The following BMPR2 variants were observed in gnomAD, a reference collection of about 807,000 sequenced individuals.
BMPR2 encodes bone morphogenetic protein receptor type-2.
Under a neutral mutation model 100.8 loss-of-function variants are expected in BMPR2, and 29 were observed. The ratio of observed to expected loss-of-function variants is 0.29; its 90% CI spans 0.21 to 0.39. The LOEUF (loss-of-function observed/expected upper bound fraction) is 0.39. Ranked by LOEUF, BMPR2 falls within the 10% of genes least tolerant of loss-of-function variation. BMPR2 has a pLI of 1.00. For missense variants in BMPR2, 1,011 were observed against 1,274.5 expected (o/e 0.79, Z 3.15); for synonymous variants, 382 against 442.3 (o/e 0.86, Z 1.71).
intron 12 of BMPR2, among the ~76,000 whole-genome samples, chr2:202,558,629 T>TAA (rs1688624842): frequency 6.6e-6 from 1 of 151,720 alleles, no homozygotes; most frequent in African/African-American, 2.4e-5. Context: ...CATGGTGGCT[T>TAA]ACGCCTGTAA....
chr2:202,451,385 T>C (rs1691977347), intron 1 of BMPR2, among the ~76,000 whole-genome samples: 1 of 152,218 alleles, frequency 6.6e-6, no homozygotes, highest in Non-Finnish European at 1.5e-5. Context: ...CATTGAGGTA[T>C]AAACTGCATC....
At chr2:202,426,291 T>A (rs1432670095) in intron 1 of BMPR2, among the ~76,000 whole-genome samples, 1 of 152,112 alleles carries the variant, frequency 6.6e-6, no homozygotes, top group Non-Finnish European at 1.5e-5. Context: ...GCATATAATT[T>A]AGTTTATGGC....
intron 12 of BMPR2, 131 bp from the exon 13 acceptor site, chr2:202,559,565 A>G: frequency 9.9e-7 from 1 of 1,011,600 alleles, no homozygotes; most frequent in South Asian, 1.5e-5. Context: ...ATTGTCTGGC[A>G]TTATGAATTT....
intron 3 of BMPR2, among the ~76,000 whole-genome samples, chr2:202,486,498 G>C (rs1004595780): frequency 2.0e-5 from 3 of 151,984 alleles, no homozygotes; most frequent in African/African-American, 7.3e-5. Context: ...CCTGCCTGGT[G>C]GTGCACGCCT....
intron 3 of BMPR2, among the ~76,000 whole-genome samples, chr2:202,491,389 C>CT (rs935914980): frequency 1.4e-4 from 21 of 152,082 alleles, no homozygotes; most frequent in African/African-American, 4.6e-4. Context: ...GCTTTTCTGT[C>CT]TATTCTGTTC....
intron 5 of BMPR2, 87 bp from the exon 6 acceptor site, chr2:202,518,735 T>C (rs1687764194): frequency 2.9e-6 from 3 of 1,039,074 alleles, no homozygotes; most frequent in South Asian, 2.7e-5. Flanking sequence ...AGCTGTAGCA[T>C]TCTGTTTAAA....
intron 10 of BMPR2, among the ~76,000 whole-genome samples, chr2:202,542,856 G>T (rs773264814): frequency 1.3e-5 from 2 of 152,098 alleles, no homozygotes; most frequent in African/African-American, 2.4e-5. Flanking sequence ...AAACCAAGGC[G>T]CAGCCTATGA....
intron 3 of BMPR2, among the ~76,000 whole-genome samples, chr2:202,504,261 T>C (rs754491349): frequency 6.6e-6 from 1 of 152,026 alleles, no homozygotes; most frequent in Non-Finnish European, 1.5e-5. Flanking sequence ...CTCTTTGCAA[T>C]AAATCTTGCT....
rs1010024660 is a variant in BMPR2 at position 202,543,179 on chromosome 2, A to C, written c.1413+732A>C. Among the ~76,000 whole-genome samples the C allele has an allele frequency of 7.4e-5, 8 of 108,130 alleles. No individual in the cohort carries two copies. In the East Asian group the frequency reaches 1.6e-3, roughly 21 times the overall value. 70.9% of individuals were successfully genotyped at this position (108,130 alleles called of 152,430 possible). ...GTGACAGAGCGAGACTCTGTCTCAA[A>C]AAAAAAAAAAGCATATATATATATA... On this transcript the variant is annotated intron_variant, in intron 10 of 12. Coordinates refer to ENST00000374580, the MANE Select transcript of BMPR2 (RefSeq NM_001204.7).
At chr2:202,406,559 G>A (rs77085326) in intron 1 of BMPR2, among the ~76,000 whole-genome samples, 1 of 152,238 alleles carries the variant, frequency 6.6e-6, no homozygotes, top group Non-Finnish European at 1.5e-5. Flanking sequence ...TTTCATGAGT[G>A]TGGAATATTT....
At chr2:202,446,867 G>A (rs1691859247) in intron 1 of BMPR2, among the ~76,000 whole-genome samples, 1 of 149,136 alleles carries the variant, frequency 6.7e-6, no homozygotes, top group Admixed American at 6.6e-5. Context: ...GGCCAGGCTG[G>A]TCTCAAACTC....
chr2:202,438,309 G>A (rs918252349), intron 1 of BMPR2, among the ~76,000 whole-genome samples: 45 of 150,230 alleles, frequency 3.0e-4, no homozygotes, highest in Admixed American at 2.7e-3. Flanking sequence ...GCGAAACTCC[G>A]TCTCAAATAA....
chr2:202,423,070 G>A (rs1691302355), intron 1 of BMPR2, among the ~76,000 whole-genome samples: 1 of 152,158 alleles, frequency 6.6e-6, no homozygotes, highest in South Asian at 2.1e-4. Flanking sequence ...CCCAAGGACT[G>A]TTAGTGGAGG....
chr2:202,387,927 A>G (rs1471820064), intron 1 of BMPR2, among the ~76,000 whole-genome samples: 3 of 152,224 alleles, frequency 2.0e-5, no homozygotes, highest in Non-Finnish European at 4.4e-5. Flanking sequence ...GAATTTATTC[A>G]TGTTACTTAT....
chr2:202,496,455 C>T (rs1338405731), intron 3 of BMPR2, among the ~76,000 whole-genome samples: 3 of 151,642 alleles, frequency 2.0e-5, no homozygotes, highest in African/African-American at 4.9e-5. Flanking sequence ...CCAGCCTGAG[C>T]GACAAAGTGA....
At chr2:202,389,167 A>G (rs549996950) in intron 1 of BMPR2, among the ~76,000 whole-genome samples, 7 of 151,286 alleles carry the variant, frequency 4.6e-5, no homozygotes, top group South Asian at 2.1e-4. Flanking sequence ...GGAGACTGCA[A>G]TGAGCTGTGA....
At chr2:202,415,117 T>G (rs939543027) in intron 1 of BMPR2, among the ~76,000 whole-genome samples, 3 of 152,130 alleles carry the variant, frequency 2.0e-5, no homozygotes, top group African/African-American at 7.2e-5. Flanking sequence ...CTCAACAGAT[T>G]TTCAATGTAG....
chr2:202,402,151 G>A (rs1309837870), intron 1 of BMPR2, among the ~76,000 whole-genome samples: 1 of 152,176 alleles, frequency 6.6e-6, no homozygotes, highest in Non-Finnish European at 1.5e-5. Context: ...GGAGGTGGGA[G>A]GTGGAATAGG....
intron 1 of BMPR2, among the ~76,000 whole-genome samples, chr2:202,381,133 C>T (rs975242581): frequency 2.2e-4 from 33 of 151,900 alleles, no homozygotes; most frequent in Non-Finnish European, 4.3e-4. Context: ...CACCACCACA[C>T]CCGGCTAATT....
Sources: gnomAD v4.1 joint callset for allele counts (sites outside exome capture counted in the v4.1 genomes callset) on GRCh38, gnomAD v4.1.1 for gene constraint, MANE v1.5 for transcripts, NCBI Gene and HGNC (gene_info 2026-07-23, HGNC 2026-07-21) for gene names.